VPS13B: variants seen among roughly 807,000 people sequenced by gnomAD.
VPS13B encodes vacuolar protein sorting 13 homolog B, also known as intermembrane lipid transfer protein VPS13B.
Under a neutral mutation model 426.4 loss-of-function variants are expected in VPS13B, and 285 were observed. The observed-to-expected ratio is 0.67, with a 90% CI of 0.61 to 0.74. VPS13B has a LOEUF of 0.74. VPS13B is among the 30% of genes least tolerant of loss of function. The pLI is 0.00. For missense variants in VPS13B, 4,537 were observed against 4,782.6 expected (o/e 0.95, Z 1.51); for synonymous variants, 1,676 against 1,676.4 (o/e 1.00, Z 0.01).
chr8:99,764,409 CTTTTT>C (rs1009917177), intron 39 of VPS13B, among the ~76,000 whole-genome samples: 1 of 111,684 alleles, frequency 9.0e-6, no homozygotes, highest in Non-Finnish European at 1.8e-5. Context: ...GAGAGAGATT[CTTTTT>C]TTTTTTTTTT....
At chr8:99,604,293 A>G (rs1319406693) in intron 33 of VPS13B, among the ~76,000 whole-genome samples, 1 of 152,174 alleles carries the variant, frequency 6.6e-6, no homozygotes, top group Non-Finnish European at 1.5e-5. Flanking sequence ...ATAATATGGT[A>G]CATTTTCACA....
chr8:99,484,849 C>CAAA (rs34547055), intron 25 of VPS13B, among the ~76,000 whole-genome samples: 20 of 113,856 alleles, frequency 1.8e-4, no homozygotes, highest in African/African-American at 5.3e-4. Flanking sequence ...TGTCCTGTCT[C>CAAA]AAAAAAAAAA....
chr8:99,478,831 T>TAA (rs57445772), intron 24 of VPS13B, among the ~76,000 whole-genome samples: 6 of 136,500 alleles, frequency 4.4e-5, no homozygotes, highest in African/African-American at 8.0e-5. Context: ...TGTTTTTGTG[T>TAA]AAAAAAAAAA....
intron 19 of VPS13B, chr8:99,340,473 A>C: frequency 2.0e-6 from 1 of 491,240 alleles, no homozygotes; most frequent in Admixed American, 2.3e-5. Context: ...ACATGTTTCC[A>C]AGGATTTCTG....
At position 99,050,613 on chromosome 8, in the gene VPS13B, A is replaced by T. The variant is rs1022796627; in HGVS notation, c.291+12047A>T. On this transcript the variant is annotated intron_variant, in intron 3 of 61. Coordinates refer to ENST00000357162, the MANE Select transcript of VPS13B (RefSeq NM_152564.5). ...AGATCCCTGAGGAATCGCCACACTG[A>T]CTTCTACAGTGGTTGAACTAGTTTA... Among the ~76,000 whole-genome samples, 17 of 152,282 alleles carry T rather than the reference A, an allele frequency of 1.1e-4. 1 individual carries two copies. The East Asian group carries it at 3.3e-3, about 29-fold the overall frequency.
intron 36 of VPS13B, among the ~76,000 whole-genome samples, chr8:99,716,587 A>G (rs1832931627): frequency 6.6e-6 from 1 of 152,218 alleles, no homozygotes; most frequent in South Asian, 2.1e-4. Context: ...TTTGAACTAT[A>G]GCATATAGTT....
chr8:99,840,211 G>A (rs923120223), intron 54 of VPS13B, among the ~76,000 whole-genome samples: 1 of 152,216 alleles, frequency 6.6e-6, no homozygotes, highest in African/African-American at 2.4e-5. Flanking sequence ...GATAGAGTTA[G>A]CTTTTTATTA....
chr8:99,147,576 C>G (rs1481882746), intron 13 of VPS13B, among the ~76,000 whole-genome samples: 2 of 151,978 alleles, frequency 1.3e-5, no homozygotes, highest in Non-Finnish European at 2.9e-5. Context: ...AAAGCTGTTA[C>G]TCTTTTAAAG....
chr8:99,111,615 G>A (rs1480637399), intron 6 of VPS13B, among the ~76,000 whole-genome samples: 1 of 151,788 alleles, frequency 6.6e-6, no homozygotes, highest in African/African-American at 2.4e-5. Flanking sequence ...TCAGTATTCT[G>A]TATTTCAGTT....
At chr8:99,046,839 G>A (rs1009310495) in intron 3 of VPS13B, among the ~76,000 whole-genome samples, 5 of 152,000 alleles carry the variant, frequency 3.3e-5, no homozygotes, top group East Asian at 1.9e-4. Flanking sequence ...TTATTGACTC[G>A]TGTGTGTTAA....
At chr8:99,632,000 T>C (rs1588569187) in intron 33 of VPS13B, among the ~76,000 whole-genome samples, 1 of 152,046 alleles carries the variant, frequency 6.6e-6, no homozygotes, top group African/African-American at 2.4e-5. Context: ...TATTATTTGG[T>C]AATATTATTA....
chr8:99,444,079 G>A (rs1817800945), intron 23 of VPS13B, among the ~76,000 whole-genome samples: 1 of 151,026 alleles, frequency 6.6e-6, no homozygotes, highest in African/African-American at 2.4e-5. Flanking sequence ...TTAATTTTAA[G>A]TGGTTTGTTT....
At chr8:99,789,500 G>A (rs1334621202) in intron 43 of VPS13B, among the ~76,000 whole-genome samples, 3 of 152,084 alleles carry the variant, frequency 2.0e-5, no homozygotes, top group African/African-American at 7.2e-5. Context: ...TTTCTAGAAA[G>A]CAATTGGGTA....
At chr8:99,343,386 G>A (rs1028237090) in intron 19 of VPS13B, among the ~76,000 whole-genome samples, 5 of 152,074 alleles carry the variant, frequency 3.3e-5, no homozygotes, top group Admixed American at 1.3e-4. Context: ...CACTGCTCCC[G>A]GCTGATTGCC....
intron 22 of VPS13B, among the ~76,000 whole-genome samples, chr8:99,440,730 G>A (rs777842592): frequency 9.9e-5 from 15 of 151,950 alleles, no homozygotes; most frequent in Non-Finnish European, 1.8e-4. Flanking sequence ...TGAAATTAAT[G>A]TTTTTGATTT....
At chr8:99,835,096 C>G in intron 52 of VPS13B, 101 bp from the exon 53 acceptor site, 1 of 1,451,940 alleles carries the variant, frequency 6.9e-7, no homozygotes, top group Non-Finnish European at 9.6e-7. Context: ...CAGATATTTT[C>G]GAGTTCTGAA....
intron 34 of VPS13B, among the ~76,000 whole-genome samples, chr8:99,647,651 A>G (rs1829643205): frequency 1.3e-5 from 2 of 152,086 alleles, no homozygotes; most frequent in East Asian, 3.8e-4. Context: ...AAAAGAATAT[A>G]TGTCAAAGGT....
chr8:99,181,895 A>G (rs2039547634), intron 16 of VPS13B, among the ~76,000 whole-genome samples: 1 of 152,162 alleles, frequency 6.6e-6, no homozygotes, highest in African/African-American at 2.4e-5. Flanking sequence ...AAACATCTGA[A>G]AAAATTATTG....
chr8:99,672,462 G>A (rs1319766977), intron 35 of VPS13B, among the ~76,000 whole-genome samples: 1 of 152,054 alleles, frequency 6.6e-6, no homozygotes, highest in Non-Finnish European at 1.5e-5. Context: ...TTTGTATGCT[G>A]ATTTTTAATC....
Sources: gnomAD v4.1 joint callset for allele counts (sites outside exome capture counted in the v4.1 genomes callset) on GRCh38, gnomAD v4.1.1 for gene constraint, MANE v1.5 for transcripts, NCBI Gene and HGNC (gene_info 2026-07-23, HGNC 2026-07-21) for gene names.